The following TAF1 variants were observed in gnomAD, a reference collection of about 807,000 sequenced individuals.
The protein encoded by TAF1 is TATA-box binding protein associated factor 1, also known as transcription initiation factor TFIID subunit 1.
In TAF1, 2 loss-of-function variants were observed where a neutral mutation model predicts 138.5. That is an observed-to-expected ratio of 0.01 (90% CI 0.01 to 0.05). The LOEUF (loss-of-function observed/expected upper bound fraction) is 0.05, where lower values mean the gene tolerates loss of function less well. Among genes scored for constraint, TAF1 ranks in the 10% least tolerant of loss-of-function variants. TAF1 has a pLI of 1.00. For missense variants in TAF1, 709 were observed against 1,478.0 expected (o/e 0.48, Z 8.53); for synonymous variants, 437 against 503.2 (o/e 0.87, Z 1.76).
At chrX:71,452,259 T>C (rs1311067663) in intron 32 of TAF1, among the ~76,000 whole-genome samples, 4 of 95,052 alleles carry the variant, frequency 4.2e-5, no homozygotes, top group African/African-American at 1.2e-4. Context: ...TCCTCACTTC[T>C]CAGACGGGGC....
At chrX:71,383,588 C>A (rs1166374058) in intron 12 of TAF1, among the ~76,000 whole-genome samples, 1 of 111,950 alleles carries the variant, frequency 8.9e-6, no homozygotes, top group Non-Finnish European at 1.9e-5. Context: ...CACATCCTCT[C>A]CTATAGTTTA....
intron 3 of TAF1, among the ~76,000 whole-genome samples, chrX:71,370,770 C>T (rs755949370): frequency 3.6e-5 from 4 of 111,836 alleles, no homozygotes; most frequent in Admixed American, 9.6e-5. Flanking sequence ...TTAGTTTTTT[C>T]GGGACAGCTT....
At chrX:71,371,402 AGT>A (rs1432723947) in intron 3 of TAF1, among the ~76,000 whole-genome samples, 2 of 111,559 alleles carry the variant, frequency 1.8e-5, no homozygotes, top group African/African-American at 6.5e-5. Context: ...AAATTTTGAA[AGT>A]GAGGCAAGGT....
At chrX:71,367,370 G>GT in intron 1 of TAF1, 129 bp from the exon 2 acceptor site, 1 of 770,630 alleles carries the variant, frequency 1.3e-6, no homozygotes, top group Non-Finnish European at 1.9e-6. Flanking sequence ...CGTGTTGCTT[G>GT]TTTTGGCACA....
At chrX:71,455,656 G>A (rs1402048414) in intron 34 of TAF1, among the ~76,000 whole-genome samples, 3 of 112,097 alleles carry the variant, frequency 2.7e-5, no homozygotes, top group African/African-American at 9.7e-5. Flanking sequence ...CTCTCACTTA[G>A]TTTCCTTTTC....
At chrX:71,421,539 G>T (rs1468590674) in intron 29 of TAF1, among the ~76,000 whole-genome samples, 163 bp downstream of exon 29, 4 of 111,846 alleles carry the variant, frequency 3.6e-5, no homozygotes, top group Non-Finnish European at 7.5e-5. Context: ...TCATAGGCCA[G>T]TCCCTTTTGT....
At chrX:71,385,715 GT>G (rs1345981223) in intron 14 of TAF1, among the ~76,000 whole-genome samples, 1 of 111,561 alleles carries the variant, frequency 9.0e-6, no homozygotes, top group Non-Finnish European at 1.9e-5. Context: ...GCAAAGCTCA[GT>G]TTTTTTCTTT....
intron 13 of TAF1, among the ~76,000 whole-genome samples, chrX:71,502,259 TGGC>T (rs1036073591): frequency 1.8e-5 from 2 of 111,339 alleles, no homozygotes; most frequent in African/African-American, 6.5e-5. Context: ...GAGTGCTGAT[TGGC>T]GCATTTACAA....
At chrX:71,458,172 A>AAAT (rs1315004362) in intron 34 of TAF1, 69 bp from the exon 35 acceptor site, 2 of 1,154,802 alleles carry the variant, frequency 1.7e-6, no homozygotes, top group Non-Finnish European at 2.3e-6. Context: ...TAAATGCCTT[A>AAAT]AAGGGGAGTT....
intron 32 of TAF1, among the ~76,000 whole-genome samples, chrX:71,437,649 CAAAAAA>C (rs769364946): frequency 4.9e-5 from 3 of 61,250 alleles, no homozygotes; most frequent in South Asian, 7.6e-4. Context: ...ACTCTGTCTC[CAAAAAA>C]AAAAAAAAGA....
At chrX:71,413,205 G>A (rs189608864) in intron 28 of TAF1, among the ~76,000 whole-genome samples, 52 of 111,774 alleles carry the variant, frequency 4.7e-4, no homozygotes, top group African/African-American at 1.4e-3. Context: ...CCTAGGAGCC[G>A]AATTGCTGAG....
At chrX:71,479,229 T>G (rs1349638452) in intron 13 of TAF1, among the ~76,000 whole-genome samples, 1 of 112,020 alleles carries the variant, frequency 8.9e-6, no homozygotes, top group Non-Finnish European at 1.9e-5. Context: ...TATGATATGA[T>G]TCTATGTATA....
intron 13 of TAF1, among the ~76,000 whole-genome samples, chrX:71,498,283 A>G (rs1449554126): frequency 1.8e-5 from 2 of 111,740 alleles, no homozygotes; most frequent in African/African-American, 3.3e-5. Context: ...AGGGGAATAC[A>G]GAAGAAGGCA....
At chrX:71,483,766 CTCTCTCTCTCTCTCTA>C (rs1215336075) in intron 13 of TAF1, among the ~76,000 whole-genome samples, 20 of 76,871 alleles carry the variant, frequency 2.6e-4, no homozygotes, top group Admixed American at 2.5e-3. Flanking sequence ...CTCTCTCTCT[CTCTCTCTCTCTCTCTA>C]TATATATATA....
At chrX:71,425,292 T>C (rs1307740359) in intron 32 of TAF1, among the ~76,000 whole-genome samples, 1 of 111,561 alleles carries the variant, frequency 9.0e-6, no homozygotes, top group Non-Finnish European at 1.9e-5. Flanking sequence ...AGACAGTCAC[T>C]GTCCTCAAGT....
chrX:71,493,412 A>G (rs756116747), intron 13 of TAF1, among the ~76,000 whole-genome samples: 7 of 112,656 alleles, frequency 6.2e-5, no homozygotes, highest in Middle Eastern at 4.6e-3. Flanking sequence ...CCTTGTTACA[A>G]TGTCTTAAGT....
At chrX:71,420,424 G>A in intron 28 of TAF1, 1 of 1,210,577 alleles carries the variant, frequency 8.3e-7, no homozygotes, top group Non-Finnish European at 1.1e-6. Context: ...CCACAGCCAT[G>A]AAAGTGAGCT....
At chrX:71,508,425 A>G (rs1217463097) in intron 13 of TAF1, among the ~76,000 whole-genome samples, 1 of 107,063 alleles carries the variant, frequency 9.3e-6, no homozygotes, top group African/African-American at 3.4e-5. Flanking sequence ...CCCTGTCTCT[A>G]CAAATAATAA....
At chrX:71,491,565 GACCATTTTGTTGTT>G (rs2039284323) in intron 13 of TAF1, 2 of 110,823 alleles carry the variant, frequency 1.8e-5, no homozygotes, top group South Asian at 7.6e-4. Context: ...GTTGATAACA[GACCATTTTGTTGTT>G]ACACATGTCT....
Sources: allele counts gnomAD v4.1 joint callset (sites outside exome capture counted in the v4.1 genomes callset), GRCh38; gene constraint gnomAD v4.1.1; transcripts MANE v1.5; gene names NCBI Gene and HGNC (gene_info 2026-07-23, HGNC 2026-07-21).